Variants in LRRC7 observed in about 807,000 individuals in gnomAD.
LRRC7 encodes leucine rich repeat containing 7.
Under a neutral mutation model 175.7 loss-of-function variants are expected in LRRC7, and 23 were observed. That is an observed-to-expected ratio of 0.13 (90% CI 0.09 to 0.19). LRRC7 has a LOEUF of 0.19. Among genes scored for constraint, LRRC7 ranks in the 10% least tolerant of loss-of-function variants. The pLI, the probability that LRRC7 is intolerant of heterozygous loss-of-function variation, is 1.00. For missense variants in LRRC7, 1,354 were observed against 1,904.7 expected, an observed-to-expected ratio of 0.71 and a Z score of 5.38; for synonymous variants, 685 against 680.9, an observed-to-expected ratio of 1.01 and a Z score of -0.09.
intron 24 of LRRC7, among the ~76,000 whole-genome samples, chr1:70,087,394 C>T (rs1197645409): frequency 6.6e-6 from 1 of 152,056 alleles, no homozygotes; most frequent in Non-Finnish European, 1.5e-5. Flanking sequence ...AAAGATATAA[C>T]CCCAATTTTA....
chr1:69,995,115 C>G (rs1021855620), intron 11 of LRRC7, among the ~76,000 whole-genome samples: 1 of 152,102 alleles, frequency 6.6e-6, no homozygotes, highest in Non-Finnish European at 1.5e-5. Context: ...TCTGCTTTAG[C>G]TAGCATTTTT....
intron 3 of LRRC7, among the ~76,000 whole-genome samples, chr1:69,779,176 A>C (rs2101013584): frequency 6.6e-6 from 1 of 152,216 alleles, no homozygotes; most frequent in Non-Finnish European, 1.5e-5. Flanking sequence ...GTCAACTAAC[A>C]AAAATTTTAC....
intron 7 of LRRC7, among the ~76,000 whole-genome samples, chr1:69,910,923 C>G (rs186252825): frequency 2.0e-5 from 3 of 152,198 alleles, no homozygotes; most frequent in Non-Finnish European, 4.4e-5. Context: ...TCCCCAGCCT[C>G]GCTGCCGCCT....
At chr1:69,745,858 T>A (rs567174934) in intron 2 of LRRC7, among the ~76,000 whole-genome samples, 1 of 152,012 alleles carries the variant, frequency 6.6e-6, no homozygotes, top group Admixed American at 6.6e-5. Context: ...TATTTGTACT[T>A]TTCTATAATT....
chr1:69,921,639 T>C (rs1229163160), intron 7 of LRRC7, among the ~76,000 whole-genome samples: 1 of 152,202 alleles, frequency 6.6e-6, no homozygotes, highest in African/African-American at 2.4e-5. Flanking sequence ...GCCCCAATTA[T>C]ATCCCACATG....
chr1:69,639,301 C>G (rs922889419), intron 1 of LRRC7, among the ~76,000 whole-genome samples: 1 of 151,664 alleles, frequency 6.6e-6, no homozygotes, highest in Admixed American at 6.6e-5. Context: ...TCTGTCATGA[C>G]TCATCAAGAA....
chr1:69,982,988 A>G (rs1653585201), intron 9 of LRRC7, among the ~76,000 whole-genome samples: 1 of 152,238 alleles, frequency 6.6e-6, no homozygotes, highest in Non-Finnish European at 1.5e-5. Flanking sequence ...ATAGCAATGA[A>G]GGAAGCTGGA....
Position 70,131,868 on chromosome 1 carries a change from CAT to C in LRRC7, c.*9982_*9983del, listed in dbSNP as rs1041243835. ...AGTGAAATATTAATTGAGAGAGTGA[CAT>C]TATCTTAGGATAGTAAGAATATTTT... On this transcript the variant is annotated 3_prime_UTR_variant, in exon 27 of 27. Coordinates refer to ENST00000651989, the MANE Select transcript of LRRC7 (RefSeq NM_001370785.2). Among the ~76,000 whole-genome samples, 2 of 152,076 alleles carry C rather than the reference CAT, an allele frequency of 1.3e-5. No homozygotes were observed. The highest frequency in any genetic ancestry group is 2.4e-5 in the African/African-American group (1 of 41,400).
chr1:70,083,768 A>G (rs928618825), intron 24 of LRRC7, among the ~76,000 whole-genome samples: 1 of 152,264 alleles, frequency 6.6e-6, no homozygotes, highest in South Asian at 2.1e-4. Flanking sequence ...TGATATGACC[A>G]AACGTCCTTG....
intron 1 of LRRC7, among the ~76,000 whole-genome samples, chr1:69,577,257 T>A (rs536836607): frequency 6.6e-6 from 1 of 152,302 alleles, no homozygotes; most frequent in African/African-American, 2.4e-5. Flanking sequence ...TAAAGGAATA[T>A]GTTGTTAATC....
chr1:69,570,443 C>A (rs1645695565), intron 1 of LRRC7, among the ~76,000 whole-genome samples: 1 of 151,880 alleles, frequency 6.6e-6, no homozygotes, highest in Admixed American at 6.6e-5. Context: ...TCACCCCCAC[C>A]CCTTGCTCCA....
At chr1:69,771,400 C>A (rs1414684268) in intron 3 of LRRC7, among the ~76,000 whole-genome samples, 1 of 152,048 alleles carries the variant, frequency 6.6e-6, no homozygotes, top group Non-Finnish European at 1.5e-5. Context: ...TTATGTGAGT[C>A]AATGAGAAAC....
At chr1:69,891,814 T>C (rs1645842827) in intron 7 of LRRC7, among the ~76,000 whole-genome samples, 1 of 150,206 alleles carries the variant, frequency 6.7e-6, no homozygotes, top group Non-Finnish European at 1.5e-5. Flanking sequence ...CCAAAAGTGA[T>C]ACAAAGACAT....
rs1673575417 is a variant in LRRC7, at chr1:69,781,719, GAAAGAA to G, written c.304-10322_304-10317del. Reference sequence around the variant, plus strand: ...AGAAAGAAAGAAAGAAAGAAAGAAAGAAAGAAAGAAAGAAAGAGAGAGAGAGAGAGA... The same window carrying G: ...AGAAAGAAAGAAAGAAAGAAAGAAAGAGAAAGAAAGAGAGAGAGAGAGAGA... On this transcript the variant is annotated intron_variant, in intron 3 of 26. Transcript: ENST00000651989. Among the ~76,000 whole-genome samples, 4 of 30,004 alleles carry G rather than the reference GAAAGAA, an allele frequency of 1.3e-4. 1 individual carries two copies. Among genetic ancestry groups the G allele is most frequent in the Admixed American group, 7.9e-4 (2 of 2,544 alleles). 19.7% of individuals were successfully genotyped at this position (30,004 alleles called of 152,430 possible).
chr1:69,678,360 T>G, intron 1 of LRRC7, 21 bp from the exon 2 acceptor site: 1 of 1,487,062 alleles, frequency 6.7e-7, no homozygotes, highest in Non-Finnish European at 9.2e-7. Context: ...ATGAAAATAC[T>G]CTTCTGATTC....
chr1:69,770,239 A>G (rs1557704281), intron 3 of LRRC7, among the ~76,000 whole-genome samples: 1 of 152,218 alleles, frequency 6.6e-6, no homozygotes, highest in Non-Finnish European at 1.5e-5. Context: ...AGCAAAATAA[A>G]CAAAAATAAA....
At chr1:69,944,166 G>C (rs960848437) in intron 8 of LRRC7, among the ~76,000 whole-genome samples, 1 of 151,952 alleles carries the variant, frequency 6.6e-6, no homozygotes, top group African/African-American at 2.4e-5. Flanking sequence ...CCACCATTCT[G>C]CTTTCTGCTT....
At chr1:69,749,370 CA>C (rs1437614657) in intron 2 of LRRC7, among the ~76,000 whole-genome samples, 1 of 152,086 alleles carries the variant, frequency 6.6e-6, no homozygotes, top group African/African-American at 2.4e-5. Flanking sequence ...GAGTAGAAGA[CA>C]GACCAGGAAA....
At chr1:69,721,498 A>G (rs1203205267) in intron 2 of LRRC7, among the ~76,000 whole-genome samples, 2 of 151,850 alleles carry the variant, frequency 1.3e-5, no homozygotes, top group Non-Finnish European at 2.9e-5. Context: ...TCACTTAGTA[A>G]TACGCATTTA....
Sources: gnomAD v4.1 joint callset for allele counts (sites outside exome capture counted in the v4.1 genomes callset) on GRCh38, gnomAD v4.1.1 for gene constraint, MANE v1.5 for transcripts, NCBI Gene and HGNC (gene_info 2026-07-23, HGNC 2026-07-21) for gene names.